Variants in ZBTB37 observed in about 807,000 individuals in gnomAD.
ZBTB37 encodes zinc finger and BTB domain containing 37, also known as zinc finger and BTB domain-containing protein 37.
In ZBTB37, 15 loss-of-function variants were observed where a neutral mutation model predicts 37.7. The ratio of observed to expected loss-of-function variants is 0.40; its 90% CI spans 0.27 to 0.61. The LOEUF (loss-of-function observed/expected upper bound fraction) is 0.61, where lower values mean the gene tolerates loss of function less well. ZBTB37 is among the 20% of genes least tolerant of loss of function. The pLI is 0.44. For synonymous variants in ZBTB37, 231 were observed against 220.6 expected (o/e 1.05, Z -0.42); for missense variants, 514 against 641.9 (o/e 0.80, Z 2.15).
intron 4 of ZBTB37, among the ~76,000 whole-genome samples, chr1:173,880,348 A>G (rs1349287500): frequency 6.6e-6 from 1 of 152,220 alleles, no homozygotes; most frequent in African/African-American, 2.4e-5. Context: ...ACACCAAACC[A>G]GATGACTTTT....
chr1:173,885,087 A>T (rs1656548885), intron 4 of ZBTB37, among the ~76,000 whole-genome samples: 1 of 152,132 alleles, frequency 6.6e-6, no homozygotes, highest in African/African-American at 2.4e-5. Flanking sequence ...TACAAAAATT[A>T]TCTGGGAGTG....
At chr1:173,880,794 G>A (rs1227498674) in intron 4 of ZBTB37, among the ~76,000 whole-genome samples, 1 of 152,154 alleles carries the variant, frequency 6.6e-6, no homozygotes, top group African/African-American at 2.4e-5. Context: ...TTCTTCTATT[G>A]CAACTTCACT....
exon 4 of ZBTB37, chr1:173,892,580 T>C (rs1381316621): frequency 2.0e-5 from 3 of 152,254 alleles, no homozygotes; most frequent in South Asian, 4.1e-4. Context: ...TCAGTTTTGC[T>C]GTGTAGGCAG....
At chr1:173,889,431 A>G (rs1409215805), downstream of ZBTB37, 2 of 152,250 alleles carry the variant, frequency 1.3e-5, no homozygotes, top group Non-Finnish European at 2.9e-5. Context: ...TGAGAGCTAC[A>G]TCATCATGAA....
At position 173,895,849 on chromosome 1, in the gene ZBTB37, T is replaced by C. The variant is rs529802385; in HGVS notation, c.*9725T>C. On this transcript the variant is annotated 3_prime_UTR_variant, in exon 4 of 4. Coordinates refer to the ZBTB37 transcript ENST00000367701. ...CTGTCTTACTAGACTGTTCCTGCTC[T>C]GAGAAGAAATATGGACAGAGAATGA... 331 of 152,316 alleles carry C rather than the reference T, an allele frequency of 2.2e-3. 2 individuals carry two copies. Among genetic ancestry groups the C allele is most frequent in the African/African-American group, 7.5e-3 (311 of 41,566 alleles). 9.4% of individuals were successfully genotyped at this position (152,316 alleles called of 1,614,324 possible).
chr1:173,871,157 G>A lies in ZBTB37; in HGVS notation c.923+9G>A, dbSNP rs182356888. ...AGCAGTGAAGTTGACAGGTAGGTTT[G>A]GTTTGGTTTGGTTTTCCCATGTAAT... On this transcript the variant is annotated intron_variant, in intron 3 of 4. Coordinates refer to ENST00000427304, the Ensembl canonical transcript of ZBTB37. 5.5e-5 allele frequency: 87 copies of A among 1,569,778 alleles called. No individual in the cohort carries two copies. The Middle Eastern group carries it at 9.2e-4, about 17-fold the overall frequency.
intron 3 of ZBTB37, among the ~76,000 whole-genome samples, 190 bp from the exon 4 acceptor site, chr1:173,873,277 A>C (rs150261357): frequency 6.6e-6 from 1 of 152,310 alleles, no homozygotes; most frequent in African/African-American, 2.4e-5. Context: ...GTGTTTATTA[A>C]ATTTACTAGG....
At position 173,901,129 on chromosome 1, in the gene ZBTB37, C is replaced by G. The variant is rs887207409; in HGVS notation, c.*15005C>G. The stretch of plus-strand genomic sequence containing the variant: ...GCCTAATGGGTTGGCTTGCTGATTC[C>G]TCTTAAACCTCTAGGAAATCCTTTC... On this transcript the variant is annotated 3_prime_UTR_variant, in exon 4 of 4. Transcript: ENST00000367701. The G allele has an allele frequency of 2.6e-5, 4 of 152,176 alleles. No homozygotes were observed. The East Asian group carries it at 7.7e-4, about 29-fold the overall frequency. The allele number at this position is 152,176 out of a possible 1,614,324, so 9.4% of individuals were successfully genotyped here. A position where few individuals can be genotyped will look rare whatever the true frequency, so the allele number is the denominator to read the frequency against.
intron 4 of ZBTB37, among the ~76,000 whole-genome samples, chr1:173,882,446 T>C (rs1656383701): frequency 6.6e-6 from 1 of 151,994 alleles, no homozygotes; most frequent in African/African-American, 2.4e-5. Context: ...TTCACCATAT[T>C]AGCCAGGATG....
chr1:173,884,874 A>C (rs931140787), intron 4 of ZBTB37, among the ~76,000 whole-genome samples: 1 of 152,234 alleles, frequency 6.6e-6, no homozygotes, highest in African/African-American at 2.4e-5. Context: ...GCCATATTAC[A>C]AATACTCAAT....
At chr1:173,901,908 A>G (rs754921090) in exon 4 of ZBTB37, 3 of 152,182 alleles carry the variant, frequency 2.0e-5, no homozygotes, top group African/African-American at 4.8e-5. Context: ...GCTGTTCTCT[A>G]TGGTGCTTAT....
chr1:173,897,562 T>C (rs972185528), exon 4 of ZBTB37: 6 of 152,252 alleles, frequency 3.9e-5, no homozygotes, highest in Non-Finnish European at 8.8e-5. Context: ...TGAATTGCAA[T>C]ATTGCTGTGA....
At chr1:173,882,387 A>AGATG (rs1656375305) in intron 4 of ZBTB37, among the ~76,000 whole-genome samples, 1 of 151,136 alleles carries the variant, frequency 6.6e-6, no homozygotes, top group African/African-American at 2.4e-5. Context: ...GACTACAGGC[A>AGATG]CCCGCCACCA....
upstream of ZBTB37, chr1:173,868,306 G>A (rs1655138332): frequency 6.5e-6 from 1 of 152,832 alleles, no homozygotes; most frequent in Non-Finnish European, 1.5e-5. Flanking sequence ...AAGGCTGAGT[G>A]ATTTCCTTCC....
At chr1:173,889,874 A>G (rs1328522044), downstream of ZBTB37, 1 of 152,174 alleles carries the variant, frequency 6.6e-6, no homozygotes, top group Non-Finnish European at 1.5e-5. Flanking sequence ...ATTTTTTGTC[A>G]TTTTTTAAAT....
chr1:173,891,936 T>A (rs1656859564), exon 4 of ZBTB37: 3 of 152,184 alleles, frequency 2.0e-5, no homozygotes, highest in Non-Finnish European at 4.4e-5. Context: ...AGTGAGTAAC[T>A]AGCTTTCTAT....
chr1:173,875,619 G>A (rs564752960), intron 4 of ZBTB37, among the ~76,000 whole-genome samples: 34 of 151,870 alleles, frequency 2.2e-4, no homozygotes, highest in African/African-American at 6.0e-4. Context: ...GAGCCACCGC[G>A]CCCGGCCTGC....
intron 3 of ZBTB37, among the ~76,000 whole-genome samples, chr1:173,871,995 G>A (rs556805923): frequency 2.0e-5 from 3 of 152,236 alleles, no homozygotes; most frequent in Admixed American, 1.3e-4. Flanking sequence ...TATTACTTTG[G>A]TCTTGAGAAA....
intron 4 of ZBTB37, among the ~76,000 whole-genome samples, chr1:173,882,563 G>A (rs1331967344): frequency 1.3e-5 from 2 of 152,066 alleles, no homozygotes; most frequent in Non-Finnish European, 2.9e-5. Flanking sequence ...CTTTTGCTGT[G>A]CAGAAGCTCT....
Sources: gnomAD v4.1 joint callset for allele counts (sites outside exome capture counted in the v4.1 genomes callset) on GRCh38, gnomAD v4.1.1 for gene constraint, MANE v1.5 for transcripts, NCBI Gene and HGNC (gene_info 2026-07-23, HGNC 2026-07-21) for gene names.